The following FOCAD variants were observed in gnomAD, a reference collection of about 807,000 sequenced individuals.
FOCAD encodes the protein KIAA1797.
A neutral mutation model predicts 225.6 loss-of-function variants in FOCAD; 198 were observed. The ratio of observed to expected loss-of-function variants is 0.88; its 90% CI spans 0.78 to 0.99. FOCAD has a LOEUF of 0.99. FOCAD is among the 50% of genes least tolerant of loss of function. The pLI is 0.00. For missense variants in FOCAD, 2,713 were observed against 2,123.6 expected (o/e 1.28, Z -5.46); for synonymous variants, 897 against 755.0 (o/e 1.19, Z -3.08).
chr9:20,938,215 C>T (rs1223713979), intron 28 of FOCAD, among the ~76,000 whole-genome samples: 3 of 152,192 alleles, frequency 2.0e-5, no homozygotes, highest in Admixed American at 6.5e-5. Flanking sequence ...TTTGACCCAG[C>T]CATTCCATTA....
chr9:20,864,941 T>A (rs1027889044), intron 16 of FOCAD, among the ~76,000 whole-genome samples: 1 of 152,124 alleles, frequency 6.6e-6, no homozygotes, highest in South Asian at 2.1e-4. Context: ...GCCTATTTAT[T>A]TGACAAATAT....
In FOCAD at chr9:20,770,117, A is replaced by C. The variant is rs755093785; in HGVS notation, c.785A>C (p.Lys262Thr). The change falls in exon 8 of 44, where the codon AAA (lysine) becomes ACA (threonine). Residue 262 changes from lysine to threonine, a missense_variant. Transcript: ENST00000338382. ...LSLLRHPVFW[K>T]IQLTQMSLQL... ...CTTTTGCGTCATCCTGTTTTCTGGA[A>C]AATTCAGCTTACCCAGATGAGTCTT... The C allele has an allele frequency of 3.5e-5, 57 of 1,614,002 alleles. No individual in the cohort carries two copies. In the South Asian group the frequency reaches 5.9e-4, roughly 17 times the overall value.
intron 1 of FOCAD, among the ~76,000 whole-genome samples, chr9:20,705,929 T>TTG (rs1347264474): frequency 4.3e-3 from 233 of 53,750 alleles, no homozygotes; most frequent in African/African-American, 0.017. Flanking sequence ...TTTAAGTTTT[T>TTG]TTTTTTTTTT....
chr9:20,846,182 G>T (rs1827089405), intron 15 of FOCAD, among the ~76,000 whole-genome samples: 1 of 151,962 alleles, frequency 6.6e-6, no homozygotes, highest in African/African-American at 2.4e-5. Flanking sequence ...ATTCATCTGT[G>T]GCTACACTTA....
intron 21 of FOCAD, among the ~76,000 whole-genome samples, chr9:20,886,692 G>T (rs556572758): frequency 6.6e-6 from 1 of 152,102 alleles, no homozygotes; most frequent in Non-Finnish European, 1.5e-5. Flanking sequence ...ATTAGAAGGC[G>T]TATTGGACAG....
rs114453732 is a variant in FOCAD, at chr9:20,907,878, G to T, written c.2718+636G>T. Among the ~76,000 whole-genome samples the T allele has an allele frequency of 6.2e-3, 949 of 152,038 alleles. 8 individuals carry two copies. The highest frequency in any genetic ancestry group is 0.022 in the African/African-American group (899 of 41,482). On this transcript the variant is annotated intron_variant, in intron 22 of 43. Transcript: ENST00000338382. ...TGGATTATATGCCCTTCTTGTATCTGAGCTTTCCTTTTTGAAGCCCTTATC... is the reference window on the plus strand; with the variant it reads ...TGGATTATATGCCCTTCTTGTATCTTAGCTTTCCTTTTTGAAGCCCTTATC...
In FOCAD at chr9:20,862,923, A is replaced by T. The variant is rs138472344; in HGVS notation, c.2055+211A>T. 16 of 379,586 alleles carry T rather than the reference A, an allele frequency of 4.2e-5. No individual in the cohort carries two copies. The East Asian group carries it at 6.1e-4, about 15-fold the overall frequency. 23.5% of individuals were successfully genotyped at this position (379,586 alleles called of 1,614,324 possible). ...ACATAAAGGATACCAACTTTTAATTATGAGAGTATTGTCAAGATTTTAAAG... is the reference window on the plus strand; with the variant it reads ...ACATAAAGGATACCAACTTTTAATTTTGAGAGTATTGTCAAGATTTTAAAG... On this transcript the variant is annotated intron_variant, in intron 16 of 43. Transcript: ENST00000338382.
intron 28 of FOCAD, among the ~76,000 whole-genome samples, chr9:20,941,142 C>G (rs552357522): frequency 2.0e-5 from 3 of 152,236 alleles, no homozygotes; most frequent in African/African-American, 7.2e-5. Context: ...TGTACTCCCT[C>G]AAATGATAGA....
In FOCAD at chr9:20,923,745, T is replaced by A. The variant is rs1300018686; in HGVS notation, c.2938T>A (p.Ser980Thr). The change falls in exon 25 of 44, where the codon TCA becomes ACA. Residue 980 changes from serine to threonine, a missense_variant. Ser to Thr is a moderately conservative substitution (Grantham distance 58, BLOSUM62 1). Coordinates refer to ENST00000338382, the MANE Select transcript of FOCAD (RefSeq NM_001375567.1). ...ATCTAGACATGAAGCCAGCCTCTCC[T>A]CAGACTCTGACGGGCTCCTGGAGGT... is the stretch of plus-strand genomic sequence containing the variant. Reference protein sequence around the residue: ...VVSRHEASLSSDSDGLLEVQP... With the variant: ...VVSRHEASLSTDSDGLLEVQP... The A allele has an allele frequency of 6.2e-7, 1 of 1,613,734 alleles. No individual in the cohort carries two copies. The highest frequency in any genetic ancestry group is 2.2e-5 in the East Asian group (1 of 44,884).
intron 8 of FOCAD, among the ~76,000 whole-genome samples, chr9:20,771,742 A>G (rs943837824): frequency 3.3e-5 from 5 of 152,228 alleles, no homozygotes; most frequent in African/African-American, 9.6e-5. Flanking sequence ...GCGACACAGC[A>G]GGACTTTGTC....
At chr9:20,680,654 C>T (rs928968464), upstream of FOCAD, among the ~76,000 whole-genome samples, 2 of 152,044 alleles carry the variant, frequency 1.3e-5, no homozygotes, top group African/African-American at 2.4e-5. Context: ...GTCAGGGAAC[C>T]AGGGTTTTAG....
At chr9:20,847,422 T>C (rs1424180665) in intron 15 of FOCAD, among the ~76,000 whole-genome samples, 1 of 152,104 alleles carries the variant, frequency 6.6e-6, no homozygotes, top group African/African-American at 2.4e-5. Flanking sequence ...ATAATGCTGC[T>C]ATTATTTTCT....
At chr9:20,949,428 T>C (rs1837483546) in intron 32 of FOCAD, among the ~76,000 whole-genome samples, 176 bp from the exon 33 acceptor site, 1 of 152,174 alleles carries the variant, frequency 6.6e-6, no homozygotes, top group African/African-American at 2.4e-5. Flanking sequence ...AAATCAATGA[T>C]AGATAAAGCA....
Position 20,871,947 on chromosome 9 carries a change from T to C in FOCAD, c.2191-2734T>C, listed in dbSNP as rs1428844711. On this transcript the variant is annotated intron_variant, in intron 18 of 43. Coordinates refer to ENST00000338382, the MANE Select transcript of FOCAD (RefSeq NM_001375567.1). ...TAAAAAAAATTAAAAAAAAAAGAAG[T>C]GATCAGAGGAGAAAGGAAATTTAAT... Among the ~76,000 whole-genome samples, 3 of 147,372 alleles carry C rather than the reference T, an allele frequency of 2.0e-5. No individual in the cohort carries two copies. In the East Asian group the frequency reaches 6.0e-4, roughly 29 times the overall value.
chr9:20,661,604 C>T (rs1328770721), intron 2 of FOCAD, among the ~76,000 whole-genome samples: 1 of 152,174 alleles, frequency 6.6e-6, no homozygotes, highest in Non-Finnish European at 1.5e-5. Context: ...CACTATCTCT[C>T]TTCCTACTGT....
intron 1 of FOCAD, among the ~76,000 whole-genome samples, chr9:20,699,414 A>G (rs886563476): frequency 1.3e-5 from 2 of 151,860 alleles, no homozygotes; most frequent in Non-Finnish European, 2.9e-5. Context: ...TGAAAATCAT[A>G]TATACTAGTT....
At chr9:20,700,951 C>T (rs1823892179) in intron 1 of FOCAD, among the ~76,000 whole-genome samples, 1 of 152,214 alleles carries the variant, frequency 6.6e-6, no homozygotes, top group African/African-American at 2.4e-5. Flanking sequence ...ATGCAGCAGG[C>T]TTGGTCAGTG....
intron 33 of FOCAD, among the ~76,000 whole-genome samples, chr9:20,950,691 T>G (rs1837605959): frequency 6.6e-6 from 1 of 152,206 alleles, no homozygotes. Context: ...TTTGTTCTTT[T>G]GCAATTTTTT....
At chr9:20,917,858 C>G (rs995093032) in intron 24 of FOCAD, among the ~76,000 whole-genome samples, 1 of 152,174 alleles carries the variant, frequency 6.6e-6, no homozygotes, top group African/African-American at 2.4e-5. Flanking sequence ...TAAACAGACA[C>G]TTAACTGTGA....
Sources: gnomAD v4.1 joint callset for allele counts (sites outside exome capture counted in the v4.1 genomes callset) on GRCh38, gnomAD v4.1.1 for gene constraint, MANE v1.5 for transcripts, NCBI Gene and HGNC (gene_info 2026-07-23, HGNC 2026-07-21) for gene names.